Variants in EPHA6 observed in about 807,000 individuals in gnomAD.
EPHA6 encodes the protein EPH receptor A6, also known as ephrin type-A receptor 6.
Under a neutral mutation model 112.0 loss-of-function variants are expected in EPHA6, and 50 were observed. The observed-to-expected ratio is 0.45, with a 90% CI of 0.36 to 0.56. EPHA6 has a LOEUF of 0.56. Among genes scored for constraint, EPHA6 ranks in the 20% least tolerant of loss-of-function variants. EPHA6 has a pLI of 0.00. For synonymous variants in EPHA6, 529 were observed against 490.7 expected, an observed-to-expected ratio of 1.08 and a Z score of -1.03; for missense variants, 1,280 against 1,417.4, an observed-to-expected ratio of 0.90 and a Z score of 1.56.
At chr3:97,342,045 A>C (rs1019882078) in intron 5 of EPHA6, among the ~76,000 whole-genome samples, 1 of 152,206 alleles carries the variant, frequency 6.6e-6, no homozygotes, top group Non-Finnish European at 1.5e-5. Flanking sequence ...GAATAGCAGG[A>C]TATAGAGAGA....
At chr3:97,556,398 C>A (rs2093110114) in intron 11 of EPHA6, among the ~76,000 whole-genome samples, 1 of 152,016 alleles carries the variant, frequency 6.6e-6, no homozygotes. Flanking sequence ...ATTCACAGCT[C>A]AGCATGGCTG....
At chr3:97,516,721 T>C (rs1462337516) in intron 10 of EPHA6, among the ~76,000 whole-genome samples, 2 of 152,190 alleles carry the variant, frequency 1.3e-5, no homozygotes, top group South Asian at 2.1e-4. Context: ...ATATTTTTTC[T>C]GTTGCCTTTA....
At chr3:97,149,988 T>C (rs1370892395) in intron 3 of EPHA6, among the ~76,000 whole-genome samples, 1 of 151,986 alleles carries the variant, frequency 6.6e-6, no homozygotes, top group African/African-American at 2.4e-5. Context: ...ACTCCCATCC[T>C]TGAGAAAAGT....
intron 3 of EPHA6, among the ~76,000 whole-genome samples, chr3:97,179,810 C>T (rs2076939690): frequency 6.7e-6 from 1 of 149,126 alleles, no homozygotes; most frequent in South Asian, 2.1e-4. Flanking sequence ...CTTCTATGGC[C>T]ACCACCATTG....
chr3:97,625,855 C>G (rs1052054256), intron 13 of EPHA6, among the ~76,000 whole-genome samples: 3 of 151,528 alleles, frequency 2.0e-5, no homozygotes, highest in Non-Finnish European at 4.4e-5. Context: ...AATCAAGGAA[C>G]CTAGTGGAGG....
chr3:97,012,508 A>G (rs964249232), intron 3 of EPHA6, among the ~76,000 whole-genome samples: 1 of 148,654 alleles, frequency 6.7e-6, no homozygotes, highest in Non-Finnish European at 1.5e-5. Context: ...ATTCATATAT[A>G]TATGTATGTA....
rs145954029 is a variant in EPHA6, at chr3:97,347,924, A to G, written c.1607-57226A>G. Reference sequence around the variant, plus strand: ...ATTAAAGAAGCCTCAGGTCACAAACATCTAGAGTTAATTTACTCTACAGAG... The same window carrying G: ...ATTAAAGAAGCCTCAGGTCACAAACGTCTAGAGTTAATTTACTCTACAGAG... On this transcript the variant is annotated intron_variant, in intron 5 of 17. Transcript: ENST00000389672. Among the ~76,000 whole-genome samples the G allele has an allele frequency of 6.3e-3, 952 of 152,142 alleles. 13 individuals are homozygous for G. Among genetic ancestry groups the G allele is most frequent in the African/African-American group, 0.021 (862 of 41,560 alleles).
At chr3:97,187,721 G>GAA (rs1041992703) in intron 3 of EPHA6, among the ~76,000 whole-genome samples, 13 of 147,636 alleles carry the variant, frequency 8.8e-5, no homozygotes, top group Admixed American at 8.1e-4. Context: ...AAGAAAGAAA[G>GAA]AAAGAAAGAA....
chr3:97,174,778 T>C (rs2076790887), intron 3 of EPHA6, among the ~76,000 whole-genome samples: 1 of 151,930 alleles, frequency 6.6e-6, no homozygotes, highest in Admixed American at 6.6e-5. Context: ...TTTAAGCTCT[T>C]TATATATTCT....
intron 5 of EPHA6, among the ~76,000 whole-genome samples, chr3:97,350,058 G>A (rs568877516): frequency 6.6e-5 from 10 of 151,704 alleles, no homozygotes; most frequent in East Asian, 1.9e-4. Context: ...GTTTGTTTCC[G>A]GGAAATTTTT....
At chr3:97,552,612 C>T (rs2093044375) in intron 11 of EPHA6, among the ~76,000 whole-genome samples, 1 of 152,138 alleles carries the variant, frequency 6.6e-6, no homozygotes, top group Non-Finnish European at 1.5e-5. Flanking sequence ...TGAGAAAAGT[C>T]ATGCTGCAGT....
At chr3:97,057,390 G>A (rs1283132710) in intron 3 of EPHA6, among the ~76,000 whole-genome samples, 4 of 152,206 alleles carry the variant, frequency 2.6e-5, no homozygotes, top group African/African-American at 4.8e-5. Context: ...TGGCTTAGCT[G>A]AGGATGCTAT....
chr3:97,303,628 C>A (rs1031095901), intron 5 of EPHA6, among the ~76,000 whole-genome samples: 1 of 151,748 alleles, frequency 6.6e-6, no homozygotes, highest in Non-Finnish European at 1.5e-5. Flanking sequence ...CAGAGAGAAA[C>A]ACAGAAATAA....
At chr3:97,317,139 A>T (rs2081881093) in intron 5 of EPHA6, among the ~76,000 whole-genome samples, 1 of 151,876 alleles carries the variant, frequency 6.6e-6, no homozygotes, top group Non-Finnish European at 1.5e-5. Context: ...GAAGAGAAAA[A>T]AAAAAAGAAA....
intron 3 of EPHA6, among the ~76,000 whole-genome samples, chr3:97,029,124 A>G (rs1240570354): frequency 6.6e-6 from 1 of 151,672 alleles, no homozygotes; most frequent in Admixed American, 6.6e-5. Context: ...GGAATAGCCT[A>G]CTCCACATTT....
intron 1 of EPHA6, among the ~76,000 whole-genome samples, chr3:96,827,766 A>G (rs184965484): frequency 2.6e-4 from 40 of 152,226 alleles, no homozygotes; most frequent in Middle Eastern, 3.4e-3. Context: ...AACTTTCTTT[A>G]TTTGAAAAAA....
intron 7 of EPHA6, among the ~76,000 whole-genome samples, chr3:97,462,207 A>G (rs921376127): frequency 1.1e-4 from 16 of 152,098 alleles, no homozygotes; most frequent in African/African-American, 3.6e-4. Context: ...ACCATTTCTT[A>G]TGATTATTTT....
intron 12 of EPHA6, among the ~76,000 whole-genome samples, chr3:97,603,529 A>T (rs2093658413): frequency 6.6e-6 from 1 of 151,922 alleles, no homozygotes; most frequent in Non-Finnish European, 1.5e-5. Flanking sequence ...ATTAAGGGGG[A>T]AAATGGAATC....
At chr3:97,373,344 G>A (rs773379880) in intron 5 of EPHA6, among the ~76,000 whole-genome samples, 7 of 151,988 alleles carry the variant, frequency 4.6e-5, no homozygotes, top group African/African-American at 9.7e-5. Flanking sequence ...TCAGCCTTAC[G>A]ATGGCAGCTT....
Sources: gnomAD v4.1 joint callset for allele counts (sites outside exome capture counted in the v4.1 genomes callset) on GRCh38, gnomAD v4.1.1 for gene constraint, MANE v1.5 for transcripts, NCBI Gene and HGNC (gene_info 2026-07-23, HGNC 2026-07-21) for gene names.